The following CHRDL1 variants were observed in gnomAD, a reference collection of about 807,000 sequenced individuals.
CHRDL1 encodes chordin like 1.
Under a neutral mutation model 40.9 loss-of-function variants are expected in CHRDL1, and 19 were observed. That is an observed-to-expected ratio of 0.46 (90% CI 0.32 to 0.68). The LOEUF (loss-of-function observed/expected upper bound fraction) is 0.68. CHRDL1 is among the 30% of genes least tolerant of loss of function. The probability of loss-of-function intolerance (pLI) is 0.03; values close to 1 mark genes in which losing one functional copy is unlikely to be tolerated. For synonymous variants in CHRDL1, 136 were observed against 123.4 expected, an observed-to-expected ratio of 1.10 and a Z score of -0.68; for missense variants, 329 against 352.1, an observed-to-expected ratio of 0.93 and a Z score of 0.53.
chrX:110,745,091 G>A (rs1428881053), intron 4 of CHRDL1, among the ~76,000 whole-genome samples: 1 of 110,802 alleles, frequency 9.0e-6, no homozygotes, highest in Non-Finnish European at 1.9e-5. Flanking sequence ...ACTGAACAAA[G>A]CTCCTCTGCC....
At chrX:110,742,493 A>T (rs916154580) in intron 4 of CHRDL1, among the ~76,000 whole-genome samples, 3 of 112,617 alleles carry the variant, frequency 2.7e-5, no homozygotes, top group African/African-American at 9.7e-5. Flanking sequence ...ATAACAGACA[A>T]CAGAAAGACC....
At chrX:110,767,518 C>T (rs144719693) in intron 2 of CHRDL1, among the ~76,000 whole-genome samples, 4,769 of 109,710 alleles carry the variant, frequency 0.043, 123 homozygotes, top group Non-Finnish European at 0.065. Flanking sequence ...TTAATGTACA[C>T]AAATCAGTAG....
chrX:110,720,457 C>T (rs780227383), intron 5 of CHRDL1, among the ~76,000 whole-genome samples: 8 of 112,094 alleles, frequency 7.1e-5, no homozygotes, highest in African/African-American at 2.6e-4. Flanking sequence ...TTGCTGGTTA[C>T]ATCTGTCTTT....
At chrX:110,699,308 C>T (rs1198099130) in intron 7 of CHRDL1, among the ~76,000 whole-genome samples, 4 of 111,424 alleles carry the variant, frequency 3.6e-5, no homozygotes, top group Non-Finnish European at 7.5e-5. Context: ...GACCAGGAAG[C>T]CCAGCCTCAG....
At chrX:110,760,734 C>T (rs12689346) in intron 3 of CHRDL1, among the ~76,000 whole-genome samples, 21,435 of 111,220 alleles carry the variant, frequency 0.19, 1,947 homozygotes, top group Non-Finnish European at 0.28. Context: ...TTTAAAGAGG[C>T]GGGCTTCTTT....
intron 9 of CHRDL1, among the ~76,000 whole-genome samples, chrX:110,688,127 G>A (rs1349740564): frequency 9.0e-6 from 1 of 111,451 alleles, no homozygotes; most frequent in Non-Finnish European, 1.9e-5. Context: ...AGGCTGATGA[G>A]GCTCAGAATG....
intron 4 of CHRDL1, among the ~76,000 whole-genome samples, chrX:110,737,528 C>T (rs1006779665): frequency 8.9e-6 from 1 of 111,879 alleles, no homozygotes; most frequent in African/African-American, 3.3e-5. Context: ...ACATCATCTG[C>T]ACTTCAGGAA....
chrX:110,746,050 T>C (rs1225902987), intron 4 of CHRDL1, among the ~76,000 whole-genome samples: 3 of 111,836 alleles, frequency 2.7e-5, no homozygotes, highest in African/African-American at 9.8e-5. Context: ...CATCCTCCCA[T>C]TACTGTGACG....
intron 4 of CHRDL1, among the ~76,000 whole-genome samples, chrX:110,733,792 C>A (rs1002510910): frequency 8.2e-5 from 9 of 109,562 alleles, no homozygotes; most frequent in Non-Finnish European, 1.7e-4. Context: ...CCTGTAATCC[C>A]AGCTAGTCAG....
chrX:110,722,001 C>A (rs761471946), intron 4 of CHRDL1, among the ~76,000 whole-genome samples: 1 of 111,706 alleles, frequency 9.0e-6, no homozygotes, highest in Admixed American at 9.4e-5. Flanking sequence ...TATTCCCTCC[C>A]ACATTTATTT....
intron 4 of CHRDL1, among the ~76,000 whole-genome samples, chrX:110,728,586 T>C (rs1022213217): frequency 8.0e-5 from 9 of 111,911 alleles, no homozygotes; most frequent in Non-Finnish European, 1.5e-4. Context: ...AGCCCGTCCA[T>C]CTGGGCAAAG....
chrX:110,779,057 T>A (rs1169602740), intron 2 of CHRDL1, among the ~76,000 whole-genome samples: 1 of 110,711 alleles, frequency 9.0e-6, no homozygotes, highest in Non-Finnish European at 1.9e-5. Flanking sequence ...TGAGAACCAA[T>A]GGGCAAAAAG....
chrX:110,792,608 G>A (rs2090120601), intron 1 of CHRDL1, among the ~76,000 whole-genome samples: 1 of 111,192 alleles, frequency 9.0e-6, no homozygotes. Flanking sequence ...TAACAAGCAT[G>A]AGACCAAGCA....
At chrX:110,709,579 A>G (rs2148452145) in intron 6 of CHRDL1, among the ~76,000 whole-genome samples, 1 of 112,279 alleles carries the variant, frequency 8.9e-6, no homozygotes, top group East Asian at 2.8e-4. Context: ...TCTATTTCCA[A>G]TTTTTTAAAA....
At chrX:110,700,598 G>C in intron 7 of CHRDL1, 56 bp downstream of exon 7, 2 of 809,244 alleles carry the variant, frequency 2.5e-6, no homozygotes, top group Non-Finnish European at 3.8e-6. Flanking sequence ...CACGAGGAGA[G>C]GAAAGCTTGG....
chrX:110,715,148 C>G (rs1225268807), intron 6 of CHRDL1, among the ~76,000 whole-genome samples: 1 of 111,152 alleles, frequency 9.0e-6, no homozygotes, highest in Non-Finnish European at 1.9e-5. Flanking sequence ...TATAAAGGGA[C>G]AATACATGGC....
intron 4 of CHRDL1, among the ~76,000 whole-genome samples, chrX:110,756,160 CAAAG>C (rs933208724): frequency 7.2e-5 from 8 of 110,898 alleles, no homozygotes; most frequent in African/African-American, 2.6e-4. Flanking sequence ...ATTTTCAAAA[CAAAG>C]AGAGATGAAA....
rs139672940 is a variant in CHRDL1 at position 110,764,486 on chromosome X, G to A, written c.95-1679C>T. On this transcript the variant is annotated intron_variant, in intron 2 of 11. Coordinates refer to ENST00000372042, the MANE Select transcript of CHRDL1 (RefSeq NM_001143981.2). ...TTGATCTCTTAATCCTGTTATCTTC[G>A]TAAGCTAAGGATGTACATCACCTCA... 1.1e-3 allele frequency among the ~76,000 whole-genome samples: 121 copies of A among 111,975 alleles called. No homozygotes were observed. In the East Asian group the frequency reaches 0.023, roughly 21 times the overall value.
chrX:110,704,354 C>A (rs986080307), intron 6 of CHRDL1, among the ~76,000 whole-genome samples: 7 of 111,390 alleles, frequency 6.3e-5, no homozygotes, highest in Admixed American at 9.6e-5. Flanking sequence ...CTGAAGAATT[C>A]ACATTTGATT....
Sources: gnomAD v4.1 joint callset for allele counts (sites outside exome capture counted in the v4.1 genomes callset) on GRCh38, gnomAD v4.1.1 for gene constraint, MANE v1.5 for transcripts, NCBI Gene and HGNC (gene_info 2026-07-23, HGNC 2026-07-21) for gene names.